Variants in CACNA1D observed in about 807,000 individuals in gnomAD.
CACNA1D encodes calcium voltage-gated channel subunit alpha1 D, also known as voltage-dependent L-type calcium channel subunit alpha-1D.
In CACNA1D, 55 loss-of-function variants were observed where a neutral mutation model predicts 257.1. The ratio of observed to expected loss-of-function variants is 0.21; its 90% CI spans 0.17 to 0.27. The LOEUF (loss-of-function observed/expected upper bound fraction) is 0.27. Ranked by LOEUF, CACNA1D falls within the 10% of genes least tolerant of loss-of-function variation. CACNA1D has a pLI of 1.00. For missense variants in CACNA1D, 1,876 were observed against 2,784.0 expected (o/e 0.67, Z 7.34); for synonymous variants, 980 against 1,014.9 (o/e 0.97, Z 0.65).
chr3:53,731,636 A>G (rs2680664), intron 17 of CACNA1D, among the ~76,000 whole-genome samples: 138,014 of 152,308 alleles, frequency 0.91, 62,789 homozygotes, highest in East Asian at 1. Context: ...GCTATCATGT[A>G]TCAGACACTG....
chr3:53,599,799 C>T (rs570468127), intron 3 of CACNA1D, among the ~76,000 whole-genome samples: 4 of 152,330 alleles, frequency 2.6e-5, no homozygotes, highest in South Asian at 2.1e-4. Flanking sequence ...GCTCCACCCA[C>T]GGCTTTCTAG....
intron 3 of CACNA1D, among the ~76,000 whole-genome samples, chr3:53,554,889 A>G (rs1252349308): frequency 6.6e-6 from 1 of 152,218 alleles, no homozygotes; most frequent in African/African-American, 2.4e-5. Context: ...TAAACAGGAA[A>G]AGGTTCTGTT....
chr3:53,504,268 C>A (rs1320269155), intron 3 of CACNA1D, among the ~76,000 whole-genome samples: 3 of 136,982 alleles, frequency 2.2e-5, no homozygotes, highest in Non-Finnish European at 4.9e-5. Context: ...CCTGATAGCT[C>A]CATGGGAAAG....
intron 8 of CACNA1D, among the ~76,000 whole-genome samples, chr3:53,686,709 T>C (rs1254281637): frequency 1.3e-5 from 2 of 152,028 alleles, no homozygotes; most frequent in African/African-American, 2.4e-5. Context: ...AACATACTTA[T>C]TGGTGAAAGA....
At chr3:53,525,659 AT>A (rs1356740303) in intron 3 of CACNA1D, among the ~76,000 whole-genome samples, 1 of 152,086 alleles carries the variant, frequency 6.6e-6, no homozygotes, top group Non-Finnish European at 1.5e-5. Context: ...ATTCCCATAT[AT>A]TTGGAGCTCT....
At chr3:53,752,676 G>A (rs1346425937) in intron 28 of CACNA1D, among the ~76,000 whole-genome samples, 4 of 152,194 alleles carry the variant, frequency 2.6e-5, no homozygotes, top group African/African-American at 9.7e-5. Flanking sequence ...GGTATTACAG[G>A]CGTGAGCCAC....
chr3:53,596,162 A>G (rs1250491684), intron 3 of CACNA1D, among the ~76,000 whole-genome samples: 1 of 152,082 alleles, frequency 6.6e-6, no homozygotes, highest in East Asian at 1.9e-4. Flanking sequence ...GGGCCATGCA[A>G]TGCTGGGGAC....
At chr3:53,797,316 T>C (rs1386359425) in intron 40 of CACNA1D, among the ~76,000 whole-genome samples, 1 of 152,174 alleles carries the variant, frequency 6.6e-6, no homozygotes, top group Non-Finnish European at 1.5e-5. Flanking sequence ...TTTCCCTCAC[T>C]CCCAGTCGTG....
intron 9 of CACNA1D, among the ~76,000 whole-genome samples, chr3:53,706,083 A>G (rs1306848905): frequency 6.6e-6 from 1 of 152,060 alleles, no homozygotes; most frequent in Non-Finnish European, 1.5e-5. Flanking sequence ...TTCCACTCCA[A>G]CCCTGCTCCT....
In CACNA1D at chr3:53,773,005, C is replaced by A; in HGVS notation, c.4110+107C>A. On this transcript the variant is annotated intron_variant, in intron 33 of 47. Transcript: ENST00000350061. Reference sequence around the variant, plus strand: ...AAGTAGAAGCATTGTGATTTTTCAGCCAAATGCCTCTGCTGAAGCCTAGGA... The same window carrying A: ...AAGTAGAAGCATTGTGATTTTTCAGACAAATGCCTCTGCTGAAGCCTAGGA... The A allele has an allele frequency of 2.1e-6, 2 of 940,650 alleles. 1 individual carries two copies. Among genetic ancestry groups the A allele is most frequent in the South Asian group, 2.6e-5 (2 of 75,766 alleles). The allele number at this position is 940,650 out of a possible 1,614,324, so 58.3% of individuals were successfully genotyped here.
At chr3:53,799,441 T>C (rs1016832626) in intron 40 of CACNA1D, among the ~76,000 whole-genome samples, 1 of 152,158 alleles carries the variant, frequency 6.6e-6, no homozygotes, top group African/African-American at 2.4e-5. Context: ...AAGGCAGCTG[T>C]GAGGGCGCCA....
Position 53,803,813 on chromosome 3 carries a change from G to A in CACNA1D, c.5585+241G>A, listed in dbSNP as rs116459764. On this transcript the variant is annotated intron_variant, in intron 44 of 47. Coordinates refer to ENST00000350061, the MANE Select transcript of CACNA1D (RefSeq NM_001128840.3). ...CACTAGGGGCCTCTGAGGCCTTTTA[G>A]TGAAGGCTTGGGAAATGGGAGATGG... Among the ~76,000 whole-genome samples the A allele has an allele frequency of 7.9e-3, 1,199 of 152,364 alleles. 15 individuals carry two copies. Among genetic ancestry groups the A allele is most frequent in the African/African-American group, 0.027 (1,141 of 41,582 alleles).
chr3:53,529,024 A>G (rs2091860084), intron 3 of CACNA1D, among the ~76,000 whole-genome samples: 1 of 152,172 alleles, frequency 6.6e-6, no homozygotes, highest in Non-Finnish European at 1.5e-5. Context: ...GCCTTGTAAC[A>G]TTGGCTAAGA....
intron 9 of CACNA1D, among the ~76,000 whole-genome samples, chr3:53,717,970 A>T (rs974253412): frequency 6.6e-6 from 1 of 152,176 alleles, no homozygotes; most frequent in Non-Finnish European, 1.5e-5. Flanking sequence ...TCTCAGTGTG[A>T]TCCCAGAGAT....
chr3:53,567,955 G>A (rs185899481), intron 3 of CACNA1D, among the ~76,000 whole-genome samples: 3 of 152,130 alleles, frequency 2.0e-5, no homozygotes, highest in Admixed American at 2.0e-4. Context: ...AGCATGGTGC[G>A]GGCAGAGCAC....
At chr3:53,520,380 C>A (rs1026313189) in intron 3 of CACNA1D, among the ~76,000 whole-genome samples, 5 of 152,150 alleles carry the variant, frequency 3.3e-5, no homozygotes, top group African/African-American at 1.2e-4. Flanking sequence ...ATTTGCATTT[C>A]TCTGATGACT....
chr3:53,588,425 G>T (rs892476356), intron 3 of CACNA1D, among the ~76,000 whole-genome samples: 1 of 152,200 alleles, frequency 6.6e-6, no homozygotes, highest in Non-Finnish European at 1.5e-5. Context: ...GGCTGAGGAT[G>T]AGCTCTGCTT....
chr3:53,664,087 G>A (rs2094234974), intron 5 of CACNA1D, among the ~76,000 whole-genome samples: 1 of 152,096 alleles, frequency 6.6e-6, no homozygotes, highest in Non-Finnish European at 1.5e-5. Flanking sequence ...TTTCTCATGT[G>A]CCTGTCTCTC....
Position 53,800,009 on chromosome 3 carries a change from A to C in CACNA1D, c.4924-240A>C. ...TGTTCCTTGGAAGTGGGGGTTTTGCAAAGGAGGTTACGGGGTTGCAGGCCT... is the reference window on the plus strand; with the variant it reads ...TGTTCCTTGGAAGTGGGGGTTTTGCCAAGGAGGTTACGGGGTTGCAGGCCT... On this transcript the variant is annotated intron_variant, in intron 40 of 47. Coordinates refer to ENST00000350061, the MANE Select transcript of CACNA1D (RefSeq NM_001128840.3). This position sits in a 1 kb window ranked among gnomAD's most constrained non-coding sequence, Gnocchi z 4.3. 2 of 581,046 alleles carry C rather than the reference A, an allele frequency of 3.4e-6. No homozygotes were observed. The highest frequency in any genetic ancestry group is 6.2e-6 in the Non-Finnish European group (2 of 322,726). The allele number at this position is 581,046 out of a possible 1,614,324, so 36.0% of individuals were successfully genotyped here.
Sources: gnomAD v4.1 joint callset for allele counts (sites outside exome capture counted in the v4.1 genomes callset) on GRCh38, gnomAD v4.1.1 for gene constraint, Gnocchi (gnomAD v3.1) non-coding constraint, MANE v1.5 for transcripts, NCBI Gene and HGNC (gene_info 2026-07-23, HGNC 2026-07-21) for gene names.